RHOJ: variants seen among roughly 807,000 people sequenced by gnomAD.
RHOJ encodes rho-related GTP-binding protein RhoJ.
RHOJ carries 11 observed loss-of-function variants against 23.4 expected under a neutral mutation model. The observed-to-expected ratio is 0.47, with a 90% CI of 0.30 to 0.78. The LOEUF is 0.78. Among genes scored for constraint, RHOJ ranks in the 30% least tolerant of loss-of-function variants. The probability of loss-of-function intolerance (pLI) is 0.08; values close to 1 mark genes in which losing one functional copy is unlikely to be tolerated. For synonymous variants in RHOJ, 102 were observed against 102.7 expected, an observed-to-expected ratio of 0.99 and a Z score of 0.04; for missense variants, 254 against 273.4, an observed-to-expected ratio of 0.93 and a Z score of 0.50.
rs1394234388 is a variant in RHOJ, at chr14:63,212,349, T to C, written c.178+7302T>C. Among the ~76,000 whole-genome samples the C allele has an allele frequency of 2.0e-5, 3 of 152,188 alleles. No homozygotes were observed. The East Asian group carries it at 5.8e-4, about 29-fold the overall frequency. On this transcript the variant is annotated intron_variant, in intron 1 of 4. Transcript: ENST00000316754. The stretch of plus-strand genomic sequence containing the variant: ...CTAGCAATCTCTGCCTGCATCAGAC[T>C]CTGTGGCCACCAAATATCCTTGCAC...
intron 4 of RHOJ, among the ~76,000 whole-genome samples, chr14:63,286,170 C>G (rs993384181): frequency 8.5e-5 from 13 of 152,186 alleles, no homozygotes; most frequent in Admixed American, 5.2e-4. Flanking sequence ...TCACTGCCAC[C>G]TGCCTTGTGC....
At position 63,254,272 on chromosome 14, in the gene RHOJ, T is replaced by C. The variant is rs142624922; in HGVS notation, c.179-14838T>C. Among the ~76,000 whole-genome samples, 320 of 152,246 alleles carry C rather than the reference T, an allele frequency of 2.1e-3. 1 individual carries two copies. Among genetic ancestry groups the C allele is most frequent in the African/African-American group, 7.2e-3 (297 of 41,536 alleles). Reference sequence around the variant, plus strand: ...GTTTCAATTCAACAACTGGGTCTCCTGGCATGCACACCAGAAAGTATCACC... The same window carrying C: ...GTTTCAATTCAACAACTGGGTCTCCCGGCATGCACACCAGAAAGTATCACC... On this transcript the variant is annotated intron_variant, in intron 1 of 4. Transcript: ENST00000316754.
At chr14:63,215,843 CT>C (rs1894343797) in intron 1 of RHOJ, among the ~76,000 whole-genome samples, 1 of 152,112 alleles carries the variant, frequency 6.6e-6, no homozygotes, top group South Asian at 2.1e-4. Context: ...GTCTTGTTTA[CT>C]TTTATGTCCT....
At chr14:63,261,307 T>C (rs891059642) in intron 1 of RHOJ, among the ~76,000 whole-genome samples, 1 of 152,232 alleles carries the variant, frequency 6.6e-6, no homozygotes, top group Non-Finnish European at 1.5e-5. Context: ...CCTCATATAT[T>C]GTAACCATTT....
intron 1 of RHOJ, among the ~76,000 whole-genome samples, chr14:63,216,895 G>A (rs1334799357): frequency 6.6e-6 from 1 of 151,946 alleles, no homozygotes; most frequent in Non-Finnish European, 1.5e-5. Flanking sequence ...GCTGGTTAGA[G>A]CCATTTTCTT....
chr14:63,282,160 T>A (rs1881925245), intron 3 of RHOJ, among the ~76,000 whole-genome samples: 1 of 152,156 alleles, frequency 6.6e-6, no homozygotes, highest in South Asian at 2.1e-4. Context: ...TATTTGCCCA[T>A]ATTGATGGAG....
Position 63,247,120 on chromosome 14 carries a change from C to T in RHOJ, c.179-21990C>T, listed in dbSNP as rs560858206. 3.9e-5 allele frequency among the ~76,000 whole-genome samples: 6 copies of T among 152,256 alleles called. No homozygotes were observed. In the South Asian group the frequency reaches 1.0e-3, roughly 26 times the overall value. ...GAGAGAAAGGAATCTTGGCCTTGATCTTGGGTGAAGAATGAAGAATGGAGT... is the reference window on the plus strand; with the variant it reads ...GAGAGAAAGGAATCTTGGCCTTGATTTTGGGTGAAGAATGAAGAATGGAGT... On this transcript the variant is annotated intron_variant, in intron 1 of 4. Coordinates refer to ENST00000316754, the MANE Select transcript of RHOJ (RefSeq NM_020663.5).
chr14:63,211,851 G>C (rs150635315), intron 1 of RHOJ, among the ~76,000 whole-genome samples: 1 of 152,162 alleles, frequency 6.6e-6, no homozygotes, highest in South Asian at 2.1e-4. Context: ...TAAACTGCTT[G>C]TAATGGGGTA....
At chr14:63,266,148 A>G (rs1276695075) in intron 1 of RHOJ, among the ~76,000 whole-genome samples, 1 of 152,200 alleles carries the variant, frequency 6.6e-6, no homozygotes, top group African/African-American at 2.4e-5. Flanking sequence ...CCATTTCAAA[A>G]TATCTCAAAG....
intron 1 of RHOJ, among the ~76,000 whole-genome samples, chr14:63,249,114 G>A (rs1566618212): frequency 6.6e-6 from 1 of 152,214 alleles, no homozygotes; most frequent in Non-Finnish European, 1.5e-5. Context: ...ATATGGCTGA[G>A]AAGCTCAGGG....
At chr14:63,257,711 C>A (rs1393794124) in intron 1 of RHOJ, among the ~76,000 whole-genome samples, 1 of 149,062 alleles carries the variant, frequency 6.7e-6, no homozygotes, top group African/African-American at 2.5e-5. Context: ...TTCCCCTCCT[C>A]TGATTTTTTT....
At chr14:63,205,088 T>G in intron 1 of RHOJ, 41 bp downstream of exon 1, 1 of 1,589,060 alleles carries the variant, frequency 6.3e-7, no homozygotes. Flanking sequence ...AGACAAACGA[T>G]GCAGGGGGCG....
chr14:63,283,161 T>A lies in RHOJ; in HGVS notation c.443T>A (p.Leu148Gln), dbSNP rs746567091. The change falls in exon 4 of 5, where the codon CTG becomes CAG. Residue 148 changes from leucine to glutamine, a missense_variant. Physicochemically the swap from Leu to Gln is moderately radical, Grantham distance 113. Transcript: ENST00000316754. Reference protein sequence around the residue: ...RDDPKTLARLLYMKEKPLTYE... With the variant: ...RDDPKTLARLQYMKEKPLTYE... Reference sequence around the variant, plus strand: ...GACCCAAAAACCTTGGCCCGTTTGCTGTATATGAAAGAGAAACCTCTCACT... The same window carrying A: ...GACCCAAAAACCTTGGCCCGTTTGCAGTATATGAAAGAGAAACCTCTCACT... 1.2e-6 allele frequency: 2 copies of A among 1,614,048 alleles called. No individual in the cohort carries two copies. Among genetic ancestry groups the A allele is most frequent in the African/African-American group, 2.7e-5 (2 of 74,948 alleles).
chr14:63,213,887 G>A (rs1894294590), intron 1 of RHOJ, among the ~76,000 whole-genome samples: 1 of 152,138 alleles, frequency 6.6e-6, no homozygotes, highest in Non-Finnish European at 1.5e-5. Context: ...CTGACAGGTG[G>A]CATGCATCAC....
In RHOJ at chr14:63,232,558, A is replaced by G. The variant is rs569740978; in HGVS notation, c.178+27511A>G. Among the ~76,000 whole-genome samples, 5 of 152,318 alleles carry G rather than the reference A, an allele frequency of 3.3e-5. 1 individual carries two copies. The highest frequency in any genetic ancestry group is 3.3e-4 in the Admixed American group (5 of 15,300). On this transcript the variant is annotated intron_variant, in intron 1 of 4. Coordinates refer to ENST00000316754, the MANE Select transcript of RHOJ (RefSeq NM_020663.5). ...ACTGCACAGTCTATATCAAAACTCA[A>G]TAAGCCATAGTTGGTTTAAATTAAG...
intron 1 of RHOJ, among the ~76,000 whole-genome samples, chr14:63,228,215 A>C (rs1894629814): frequency 6.6e-6 from 1 of 152,190 alleles, no homozygotes. Flanking sequence ...CTAACTTTGT[A>C]TTTCTATTGT....
At chr14:63,235,578 C>A (rs1265350977) in intron 1 of RHOJ, among the ~76,000 whole-genome samples, 2 of 152,184 alleles carry the variant, frequency 1.3e-5, no homozygotes, top group African/African-American at 4.8e-5. Context: ...AAATGGTTAA[C>A]ACTGCTGAAT....
intron 1 of RHOJ, among the ~76,000 whole-genome samples, chr14:63,257,046 T>C (rs1273500528): frequency 6.7e-6 from 1 of 149,086 alleles, no homozygotes; most frequent in Non-Finnish European, 1.5e-5. Context: ...CACTCCAGCC[T>C]GGGTGATAGA....
At chr14:63,224,450 G>A (rs116926444) in intron 1 of RHOJ, among the ~76,000 whole-genome samples, 5 of 152,138 alleles carry the variant, frequency 3.3e-5, no homozygotes, top group South Asian at 2.1e-4. Flanking sequence ...GCAGCAGTTG[G>A]GGGGAGGGGG....
Sources: gnomAD v4.1 joint callset for allele counts (sites outside exome capture counted in the v4.1 genomes callset) on GRCh38, gnomAD v4.1.1 for gene constraint, MANE v1.5 for transcripts, NCBI Gene and HGNC (gene_info 2026-07-23, HGNC 2026-07-21) for gene names.